Variants in GRM8 observed in about 807,000 individuals in gnomAD.
The protein encoded by GRM8 is glutamate metabotropic receptor 8.
A neutral mutation model predicts 87.2 loss-of-function variants in GRM8; 47 were observed. That is an observed-to-expected ratio of 0.54 (90% CI 0.43 to 0.69). The LOEUF (loss-of-function observed/expected upper bound fraction) is 0.69. Ranked by LOEUF, GRM8 falls within the 30% of genes least tolerant of loss-of-function variation. GRM8 has a pLI of 0.00. For synonymous variants in GRM8, 396 were observed against 404.5 expected (o/e 0.98, Z 0.25); for missense variants, 1,019 against 1,139.2 (o/e 0.89, Z 1.52).
At chr7:126,891,857 C>T (rs1801042700) in intron 6 of GRM8, among the ~76,000 whole-genome samples, 1 of 151,736 alleles carries the variant, frequency 6.6e-6, no homozygotes, top group African/African-American at 2.4e-5. Context: ...CATCTAATAG[C>T]TAGTGCTTGA....
chr7:126,541,381 T>C (rs1816518549), intron 8 of GRM8, among the ~76,000 whole-genome samples: 1 of 151,916 alleles, frequency 6.6e-6, no homozygotes, highest in South Asian at 2.1e-4. Flanking sequence ...AGCAGGAAGG[T>C]AGATAAAAGC....
intron 6 of GRM8, among the ~76,000 whole-genome samples, chr7:126,891,852 A>G (rs1209639730): frequency 6.6e-6 from 1 of 151,944 alleles, no homozygotes; most frequent in African/African-American, 2.4e-5. Flanking sequence ...CTTGACATCT[A>G]ATAGCTAGTG....
intron 7 of GRM8, among the ~76,000 whole-genome samples, chr7:126,718,775 A>G (rs1420170867): frequency 6.6e-6 from 1 of 152,212 alleles, no homozygotes; most frequent in African/African-American, 2.4e-5. Flanking sequence ...TGTTCGTGTC[A>G]GCCACTTTCA....
At chr7:127,136,474 G>A (rs1050235203) in intron 2 of GRM8, among the ~76,000 whole-genome samples, 1 of 152,098 alleles carries the variant, frequency 6.6e-6, no homozygotes, top group African/African-American at 2.4e-5. Context: ...GCACAAGCCA[G>A]CAGAACTTTT....
At chr7:127,148,478 G>A (rs1282655336) in intron 2 of GRM8, among the ~76,000 whole-genome samples, 1 of 151,524 alleles carries the variant, frequency 6.6e-6, no homozygotes, top group Non-Finnish European at 1.5e-5. Flanking sequence ...AATGGGCCTA[G>A]GAGACATAGA....
At chr7:126,775,479 G>A (rs1002094071) in intron 6 of GRM8, among the ~76,000 whole-genome samples, 1 of 104,756 alleles carries the variant, frequency 9.5e-6, no homozygotes, top group Non-Finnish European at 1.8e-5. Flanking sequence ...TGACAAATAG[G>A]TTTTTTTTTT....
chr7:126,569,592 A>T (rs2299467), intron 8 of GRM8, among the ~76,000 whole-genome samples: 46,956 of 152,080 alleles, frequency 0.31, 8,127 homozygotes, highest in East Asian at 0.44. Context: ...AACCACATGG[A>T]GAACTCAGGG....
intron 3 of GRM8, among the ~76,000 whole-genome samples, chr7:127,103,287 C>A (rs1385083046): frequency 6.6e-6 from 1 of 152,162 alleles, no homozygotes; most frequent in African/African-American, 2.4e-5. Flanking sequence ...AAATGTCATC[C>A]CCAGTGATGG....
chr7:127,021,194 A>G (rs1816227660), intron 3 of GRM8, among the ~76,000 whole-genome samples: 1 of 151,956 alleles, frequency 6.6e-6, no homozygotes, highest in African/African-American at 2.4e-5. Flanking sequence ...ACCAAAAGAA[A>G]CAGAAAGACT....
intron 3 of GRM8, among the ~76,000 whole-genome samples, chr7:127,069,702 T>C (rs1384399849): frequency 1.3e-5 from 2 of 152,188 alleles, no homozygotes; most frequent in Non-Finnish European, 2.9e-5. Context: ...TGCTGATTTA[T>C]TTTACTAAAG....
At chr7:126,889,029 C>T (rs1361461217) in intron 6 of GRM8, among the ~76,000 whole-genome samples, 5 of 152,036 alleles carry the variant, frequency 3.3e-5, no homozygotes, top group African/African-American at 1.2e-4. Flanking sequence ...TATCCTATGT[C>T]GGCCCACCGT....
At chr7:126,871,372 T>C (rs1799081254) in intron 6 of GRM8, among the ~76,000 whole-genome samples, 1 of 152,250 alleles carries the variant, frequency 6.6e-6, no homozygotes, top group Admixed American at 6.5e-5. Context: ...TGAGTCTTTA[T>C]AGACGTTCCG....
At chr7:126,674,096 T>C (rs1806687347) in intron 7 of GRM8, among the ~76,000 whole-genome samples, 1 of 152,106 alleles carries the variant, frequency 6.6e-6, no homozygotes. Context: ...TTATTCCATC[T>C]CTCAACCTGC....
rs59966379 is a variant in GRM8 at position 126,568,463 on chromosome 7, C to T, written c.1495-34576G>A. On this transcript the variant is annotated intron_variant, in intron 8 of 10. Transcript: ENST00000339582. ...ATTAGCATACAAAACATCTGGGTTT[C>T]TAGGTTACATTTCTCCAAGAAAACT... Among the ~76,000 whole-genome samples the T allele has an allele frequency of 3.2e-3, 492 of 152,206 alleles. 3 individuals are homozygous for T. Among genetic ancestry groups the T allele is most frequent in the African/African-American group, 0.011 (450 of 41,544 alleles).
chr7:126,607,422 CAT>C (rs1175440057), intron 8 of GRM8, among the ~76,000 whole-genome samples: 1 of 151,812 alleles, frequency 6.6e-6, no homozygotes, highest in Admixed American at 6.6e-5. Flanking sequence ...GCTGCATAGA[CAT>C]ATCACTTTGG....
At chr7:126,659,533 C>T (rs1018430456) in intron 7 of GRM8, among the ~76,000 whole-genome samples, 3 of 152,138 alleles carry the variant, frequency 2.0e-5, no homozygotes, top group African/African-American at 7.2e-5. Flanking sequence ...ATAAGCCTTC[C>T]ACTTAGAACT....
chr7:127,038,967 G>A (rs1301288267), intron 3 of GRM8, among the ~76,000 whole-genome samples: 1 of 152,164 alleles, frequency 6.6e-6, no homozygotes, highest in Non-Finnish European at 1.5e-5. Flanking sequence ...TCCAAAATAG[G>A]TAGGAGGTCA....
At chr7:126,745,578 C>G (rs1249597147) in intron 7 of GRM8, among the ~76,000 whole-genome samples, 1 of 151,236 alleles carries the variant, frequency 6.6e-6, no homozygotes, top group African/African-American at 2.4e-5. Context: ...AAATGTATTA[C>G]CTTGTACTTT....
At chr7:126,734,035 C>G (rs1048885111) in intron 7 of GRM8, among the ~76,000 whole-genome samples, 5 of 151,968 alleles carry the variant, frequency 3.3e-5, no homozygotes, top group African/African-American at 4.8e-5. Flanking sequence ...CTACAATTAC[C>G]TGAAATAATG....
Sources: allele counts gnomAD v4.1 joint callset (sites outside exome capture counted in the v4.1 genomes callset), GRCh38; gene constraint gnomAD v4.1.1; transcripts MANE v1.5; gene names NCBI Gene and HGNC (gene_info 2026-07-23, HGNC 2026-07-21).